The following RAB35 variants were observed in gnomAD, a reference collection of about 807,000 sequenced individuals.
RAB35 encodes RAB35, member RAS oncogene family.
Under a neutral mutation model 28.9 loss-of-function variants are expected in RAB35, and 4 were observed. The ratio of observed to expected loss-of-function variants is 0.14; its 90% CI spans 0.07 to 0.32. The LOEUF (loss-of-function observed/expected upper bound fraction) is 0.32, where lower values mean the gene tolerates loss of function less well. Among genes scored for constraint, RAB35 ranks in the 10% least tolerant of loss-of-function variants. The pLI, the probability that RAB35 is intolerant of heterozygous loss-of-function variation, is 1.00. For synonymous variants in RAB35, 99 were observed against 105.1 expected (o/e 0.94, Z 0.35); for missense variants, 128 against 274.0 (o/e 0.47, Z 3.76).
intron 2 of RAB35, among the ~76,000 whole-genome samples, chr12:120,105,588 G>A (rs191520439): frequency 7.9e-5 from 12 of 152,220 alleles, no homozygotes. Context: ...CAGGGATGCT[G>A]CTCAACATCC....
At chr12:120,108,757 C>A (rs898760310) in intron 1 of RAB35, 7 of 580,088 alleles carry the variant, frequency 1.2e-5, no homozygotes, top group Admixed American at 2.4e-5. Flanking sequence ...TGAGGGCTGG[C>A]CCAAAGGGAG....
chr12:120,096,441 T>G lies in RAB35; in HGVS notation c.*804A>C, dbSNP rs1875396148. ...TAAAATAATCCTCCCATAGCCCCCCTGCCAGCCCCATCTCTGCACGAACCT... is the reference window on the plus strand; with the variant it reads ...TAAAATAATCCTCCCATAGCCCCCCGGCCAGCCCCATCTCTGCACGAACCT... On this transcript the variant is annotated 3_prime_UTR_variant, in exon 6 of 6. Coordinates refer to ENST00000229340, the MANE Select transcript of RAB35 (RefSeq NM_006861.7). The G allele has an allele frequency of 1.6e-6, 2 of 1,288,674 alleles. No homozygotes were observed. The highest frequency in any genetic ancestry group is 2.0e-6 in the Non-Finnish European group (2 of 988,036). The allele number at this position is 1,288,674 out of a possible 1,614,324, so 79.8% of individuals were successfully genotyped here.
At chr12:120,116,281 G>A (rs893943023) in intron 1 of RAB35, among the ~76,000 whole-genome samples, 3 of 152,146 alleles carry the variant, frequency 2.0e-5, no homozygotes, top group Non-Finnish European at 4.4e-5. Flanking sequence ...CAAGGTCAGC[G>A]CGAGGCAGGT....
chr12:120,104,329 A>C (rs1246780486), intron 2 of RAB35, among the ~76,000 whole-genome samples: 2 of 152,064 alleles, frequency 1.3e-5, no homozygotes, highest in African/African-American at 4.8e-5. Context: ...TTTTCTATTC[A>C]AGTCAAAAAA....
intron 3 of RAB35, among the ~76,000 whole-genome samples, chr12:120,101,056 C>T (rs2139050594): frequency 6.6e-6 from 1 of 152,322 alleles, no homozygotes; most frequent in Middle Eastern, 3.4e-3. Context: ...ATCCGGGGCC[C>T]AGGAAAGGGG....
chr12:120,103,220 A>G lies in RAB35; in HGVS notation c.227+606T>C, dbSNP rs1253922001. On this transcript the variant is annotated intron_variant, in intron 3 of 5. Coordinates refer to ENST00000229340, the MANE Select transcript of RAB35 (RefSeq NM_006861.7). This position sits in a 1 kb window ranked among gnomAD's most constrained non-coding sequence, Gnocchi z 6.1. The stretch of plus-strand genomic sequence containing the variant: ...ATAACCAGGAGCCGCTCCGAAGGAC[A>G]CTGCCCATCTGCGCAGGAGCCCAGC... Among the ~76,000 whole-genome samples the G allele has an allele frequency of 1.3e-5, 2 of 152,202 alleles. No homozygotes were observed. The highest frequency in any genetic ancestry group is 2.4e-5 in the African/African-American group (1 of 41,452).
At chr12:120,099,262 C>A (rs1451692162) in intron 3 of RAB35, 108 bp from the exon 4 acceptor site, 1 of 1,448,980 alleles carries the variant, frequency 6.9e-7, no homozygotes, top group African/African-American at 1.4e-5. Flanking sequence ...GTGAGGGTGG[C>A]CCTGGAGCCT....
chr12:120,107,045 G>A (rs765052729), intron 2 of RAB35, among the ~76,000 whole-genome samples: 1 of 152,042 alleles, frequency 6.6e-6, no homozygotes, highest in Non-Finnish European at 1.5e-5. Context: ...CTGGAGTGCA[G>A]TGGTGCCATC....
chr12:120,104,129 A>G (rs1185977012), intron 2 of RAB35, among the ~76,000 whole-genome samples, 180 bp from the exon 3 acceptor site: 1 of 152,006 alleles, frequency 6.6e-6, no homozygotes, highest in Non-Finnish European at 1.5e-5. Flanking sequence ...CCCTCCACAC[A>G]CAAGTGAAGG....
chr12:120,097,448 C>T, intron 5 of RAB35, 75 bp from the exon 6 acceptor site: 1 of 1,278,148 alleles, frequency 7.8e-7, no homozygotes, highest in South Asian at 1.4e-5. Flanking sequence ...GGCTGCCTCC[C>T]CGCCTTCCGG....
At chr12:120,109,247 A>T (rs1420752837) in intron 1 of RAB35, among the ~76,000 whole-genome samples, 3 of 152,200 alleles carry the variant, frequency 2.0e-5, no homozygotes, top group African/African-American at 7.2e-5. Context: ...TGAGGTCGGG[A>T]GTTCAAGACC....
chr12:120,108,729 G>A lies in RAB35; in HGVS notation c.53-262C>T, dbSNP rs77578145. ...CTGGGGGAGAGATGAGAAAGGGACT[G>A]GTGCCCAGGCCCTAGGCTGAGGGCT... is the stretch of plus-strand genomic sequence containing the variant. On this transcript the variant is annotated intron_variant, in intron 1 of 5. Coordinates refer to ENST00000229340, the MANE Select transcript of RAB35 (RefSeq NM_006861.7). 2.0e-3 allele frequency: 1,286 copies of A among 631,382 alleles called. 13 individuals are homozygous for A. Among genetic ancestry groups the A allele is most frequent in the African/African-American group, 0.02 (1,098 of 55,814 alleles). The allele number at this position is 631,382 out of a possible 1,614,324, so 39.1% of individuals were successfully genotyped here.
chr12:120,114,780 G>A (rs1032927660), intron 1 of RAB35, among the ~76,000 whole-genome samples: 1 of 152,180 alleles, frequency 6.6e-6, no homozygotes, highest in African/African-American at 2.4e-5. Context: ...CCCATCCCCT[G>A]GGCTTTACAG....
At chr12:120,107,094 C>T (rs543086665) in intron 2 of RAB35, among the ~76,000 whole-genome samples, 46 of 151,776 alleles carry the variant, frequency 3.0e-4, no homozygotes, top group Admixed American at 5.9e-4. Context: ...ATTCAAGCAA[C>T]TCTCCTGCCT....
chr12:120,105,974 G>A lies in RAB35; in HGVS notation c.104-2025C>T, dbSNP rs182120535. ...CCCAAAGGGTCAACAGTGTCCAAGT[G>A]AAGAAATCTTACTGTAAACTCTGTG... On this transcript the variant is annotated intron_variant, in intron 2 of 5. Coordinates refer to ENST00000229340, the MANE Select transcript of RAB35 (RefSeq NM_006861.7). Among the ~76,000 whole-genome samples the A allele has an allele frequency of 8.9e-4, 134 of 150,920 alleles. 1 individual carries two copies. The highest frequency in any genetic ancestry group is 3.2e-3 in the African/African-American group (132 of 41,056).
chr12:120,113,215 G>C (rs1297794889), intron 1 of RAB35, among the ~76,000 whole-genome samples: 9 of 139,380 alleles, frequency 6.5e-5, no homozygotes, highest in African/African-American at 2.4e-4. Context: ...TTTTTTAAGA[G>C]ATGGGGTCTC....
chr12:120,104,771 C>T (rs2283359), intron 2 of RAB35, among the ~76,000 whole-genome samples: 19,346 of 151,952 alleles, frequency 0.13, 1,530 homozygotes, highest in East Asian at 0.4. Flanking sequence ...GTAGCTGGGA[C>T]TACAGGCATG....
chr12:120,099,374 C>T (rs954794445), intron 3 of RAB35: 4 of 619,376 alleles, frequency 6.5e-6, no homozygotes, highest in Non-Finnish European at 1.1e-5. Flanking sequence ...GGGGCACCAA[C>T]AGGGCGGGAG....
chr12:120,116,544 C>G (rs1412276911), intron 1 of RAB35, 55 bp downstream of exon 1: 1 of 1,009,772 alleles, frequency 9.9e-7, no homozygotes, highest in Non-Finnish European at 1.2e-6. Context: ...CCCCGAGGCC[C>G]CCGCGGGCCG....
Sources: gnomAD v4.1 joint callset for allele counts (sites outside exome capture counted in the v4.1 genomes callset) on GRCh38, gnomAD v4.1.1 for gene constraint, Gnocchi (gnomAD v3.1) non-coding constraint, MANE v1.5 for transcripts, NCBI Gene and HGNC (gene_info 2026-07-23, HGNC 2026-07-21) for gene names.